BCAR3: variants seen among roughly 807,000 people sequenced by gnomAD.
BCAR3 encodes BCAR3 adaptor protein, NSP family member.
Under a neutral mutation model 80.1 loss-of-function variants are expected in BCAR3, and 37 were observed. That is an observed-to-expected ratio of 0.46 (90% confidence interval 0.36 to 0.61). The LOEUF (loss-of-function observed/expected upper bound fraction) is 0.61, where lower values mean the gene tolerates loss of function less well. Ranked by LOEUF, BCAR3 falls within the 20% of genes least tolerant of loss-of-function variation. The pLI is 0.00. For missense variants in BCAR3, 978 were observed against 1,068.2 expected, an observed-to-expected ratio of 0.92 and a Z score of 1.18; for synonymous variants, 389 against 418.9, an observed-to-expected ratio of 0.93 and a Z score of 0.87.
At chr1:93,801,928 G>A (rs970337396) in intron 2 of BCAR3, among the ~76,000 whole-genome samples, 17 of 152,038 alleles carry the variant, frequency 1.1e-4, no homozygotes, top group Non-Finnish European at 2.2e-4. Flanking sequence ...GACCAGCCTG[G>A]CCAATATGGT....
chr1:93,672,862 T>C (rs886914510), intron 2 of BCAR3, among the ~76,000 whole-genome samples: 10 of 152,250 alleles, frequency 6.6e-5, no homozygotes, highest in African/African-American at 2.2e-4. Context: ...ACTGCAATTA[T>C]GGAACTGAGA....
At chr1:93,775,205 C>G (rs902831066) in intron 2 of BCAR3, 2 of 152,240 alleles carry the variant, frequency 1.3e-5, no homozygotes, top group Non-Finnish European at 2.9e-5. Context: ...ACCTAACGAC[C>G]AGAGGCAGGT....
intron 3 of BCAR3, among the ~76,000 whole-genome samples, chr1:93,625,464 C>T (rs1675428736): frequency 6.6e-6 from 1 of 152,186 alleles, no homozygotes; most frequent in Admixed American, 6.5e-5. Context: ...AAAATACACC[C>T]ACCTGGGCCT....
chr1:93,750,193 T>C (rs567084591), intron 2 of BCAR3, among the ~76,000 whole-genome samples: 9 of 152,320 alleles, frequency 5.9e-5, no homozygotes, highest in Non-Finnish European at 1.2e-4. Context: ...GACTGCTTCC[T>C]TCACTAAAGC....
intron 2 of BCAR3, among the ~76,000 whole-genome samples, chr1:93,746,434 C>A (rs937183515): frequency 1.3e-5 from 2 of 152,126 alleles, no homozygotes; most frequent in African/African-American, 2.4e-5. Context: ...TGTTCTTAAT[C>A]CTTAAAGAAA....
At chr1:93,565,081 A>G (rs1000574986) in intron 11 of BCAR3, among the ~76,000 whole-genome samples, 2 of 151,492 alleles carry the variant, frequency 1.3e-5, no homozygotes, top group Non-Finnish European at 2.9e-5. Flanking sequence ...TGGATAACCA[A>G]CCAAAGGCCA....
upstream of BCAR3, chr1:93,847,909 GCGGCGGCGGCGGCGA>G: frequency 4.1e-6 from 1 of 245,960 alleles, no homozygotes; most frequent in South Asian, 4.2e-5. Context: ...GGCGGCGGCG[GCGGCGGCGGCGGCGA>G]AGGAAAAGCG....
At chr1:93,770,200 A>T (rs902717717) in intron 2 of BCAR3, among the ~76,000 whole-genome samples, 1 of 152,212 alleles carries the variant, frequency 6.6e-6, no homozygotes, top group African/African-American at 2.4e-5. Flanking sequence ...TGAAACAGCA[A>T]GAGAATACTT....
rs533441670 is a variant in BCAR3 at position 93,775,324 on chromosome 1, G to C, written c.-62-69182C>G. 7.2e-5 allele frequency: 11 copies of C among 152,348 alleles called. No individual in the cohort carries two copies. In the East Asian group the frequency reaches 2.1e-3, roughly 29 times the overall value. 9.4% of individuals were successfully genotyped at this position (152,348 alleles called of 1,614,324 possible). ...AGCCTGGGGGCAGCTGTGTACTTTTGGCTGTGAGTGCTCTCAGAGAGGCAC... is the reference window on the plus strand; with the variant it reads ...AGCCTGGGGGCAGCTGTGTACTTTTCGCTGTGAGTGCTCTCAGAGAGGCAC... On this transcript the variant is annotated intron_variant, in intron 2 of 13. Transcript: ENST00000370244.
chr1:93,589,827 T>C (rs1461570621), intron 4 of BCAR3, among the ~76,000 whole-genome samples: 1 of 152,012 alleles, frequency 6.6e-6, no homozygotes, highest in Non-Finnish European at 1.5e-5. Context: ...GGCTGTCCAG[T>C]AAAATAGGGT....
rs188998648 is a variant in BCAR3, at chr1:93,801,528, C to T, written c.-63+44039G>A. 3.4e-4 allele frequency among the ~76,000 whole-genome samples: 52 copies of T among 152,328 alleles called. No homozygotes were observed. In the East Asian group the frequency reaches 7.3e-3, roughly 21 times the overall value. ...TCAAATCTTTCAAAGTAATCCAGCA[C>T]GATCTTGTTTGGTTTTTGTTTACAT... is the stretch of plus-strand genomic sequence containing the variant. On this transcript the variant is annotated intron_variant, in intron 2 of 13. Coordinates refer to the BCAR3 transcript ENST00000370244.
intron 8 of BCAR3, among the ~76,000 whole-genome samples, chr1:93,574,000 A>G (rs1673340104): frequency 6.6e-6 from 1 of 152,170 alleles, no homozygotes; most frequent in African/African-American, 2.4e-5. Flanking sequence ...AACATTTTAG[A>G]TGTTGCTTTT....
At chr1:93,846,954 A>C (rs1193057984) in intron 1 of BCAR3, 1 of 430,202 alleles carries the variant, frequency 2.3e-6, no homozygotes, top group Non-Finnish European at 4.8e-6. Context: ...AACACGCACA[A>C]GCACGCACAC....
chr1:93,803,804 A>G (rs114358446), intron 2 of BCAR3, among the ~76,000 whole-genome samples: 83 of 152,362 alleles, frequency 5.4e-4, no homozygotes, highest in African/African-American at 1.8e-3. Flanking sequence ...CCAGATGGGT[A>G]CAGGAGGCAC....
chr1:93,718,679 A>G (rs998836254), intron 2 of BCAR3, among the ~76,000 whole-genome samples: 1 of 138,922 alleles, frequency 7.2e-6, no homozygotes, highest in South Asian at 2.3e-4. Context: ...TCTGAACTAC[A>G]TTGTTTTTCT....
In BCAR3 at chr1:93,681,787, G is replaced by A. The variant is rs1208039221; in HGVS notation, c.-201C>T. 3 of 151,832 alleles carry A rather than the reference G, an allele frequency of 2.0e-5. No homozygotes were observed. The highest frequency in any genetic ancestry group is 4.8e-5 in the African/African-American group (2 of 41,346). 9.4% of individuals were successfully genotyped at this position (151,832 alleles called of 1,614,324 possible). ...TCTAGCCGGTGCGCCCCGCAGCTCCGGCTCCGGTCCCGGCCCCGTCCCCCG... is the reference window on the plus strand; with the variant it reads ...TCTAGCCGGTGCGCCCCGCAGCTCCAGCTCCGGTCCCGGCCCCGTCCCCCG... On this transcript the variant is annotated 5_prime_UTR_variant, in exon 1 of 12. Transcript: ENST00000260502.
At chr1:93,769,517 G>C (rs1487858373) in intron 2 of BCAR3, among the ~76,000 whole-genome samples, 1 of 151,632 alleles carries the variant, frequency 6.6e-6, no homozygotes, top group Non-Finnish European at 1.5e-5. Flanking sequence ...AGAACAATAG[G>C]CAAAGGACTC....
intron 2 of BCAR3, among the ~76,000 whole-genome samples, chr1:93,739,088 C>CT (rs1243367836): frequency 1.3e-5 from 2 of 152,196 alleles, no homozygotes; most frequent in African/African-American, 4.8e-5. Context: ...GTCCTCTGTG[C>CT]TGTAGGTGTT....
At chr1:93,683,235 A>G (rs998550532), upstream of BCAR3, among the ~76,000 whole-genome samples, 4 of 152,236 alleles carry the variant, frequency 2.6e-5, no homozygotes, top group South Asian at 2.1e-4. Context: ...GCCAATAAAC[A>G]TATGGAAAAT....
Sources: gnomAD v4.1 joint callset for allele counts (sites outside exome capture counted in the v4.1 genomes callset) on GRCh38, gnomAD v4.1.1 for gene constraint, MANE v1.5 for transcripts, NCBI Gene and HGNC (gene_info 2026-07-23, HGNC 2026-07-21) for gene names.